CDH13: variants seen among roughly 807,000 people sequenced by gnomAD.
CDH13 encodes the protein cadherin 13.
CDH13 carries 24 observed loss-of-function variants against 63.8 expected under a neutral mutation model. The observed-to-expected ratio is 0.38, with a 90% confidence interval of 0.27 to 0.53. The LOEUF (loss-of-function observed/expected upper bound fraction) is 0.53. Ranked by LOEUF, CDH13 falls within the 20% of genes least tolerant of loss-of-function variation. The pLI is 0.85. For missense variants in CDH13, 1,049 were observed against 903.1 expected (o/e 1.16, Z -2.07); for synonymous variants, 503 against 355.3 (o/e 1.42, Z -4.67).
intron 7 of CDH13, among the ~76,000 whole-genome samples, chr16:83,553,540 G>C (rs1270714248): frequency 2.0e-5 from 3 of 152,058 alleles, no homozygotes; most frequent in African/African-American, 4.8e-5. Flanking sequence ...GAATCAAAGT[G>C]ATGGGTTTTT....
chr16:83,320,836 C>T (rs577320706), intron 5 of CDH13, among the ~76,000 whole-genome samples: 3 of 152,266 alleles, frequency 2.0e-5, no homozygotes, highest in African/African-American at 7.2e-5. Flanking sequence ...CTGGCTTAGG[C>T]TACGAGAGTT....
At chr16:83,644,990 C>A (rs1249365943) in intron 8 of CDH13, among the ~76,000 whole-genome samples, 1 of 152,154 alleles carries the variant, frequency 6.6e-6, no homozygotes, top group African/African-American at 2.4e-5. Flanking sequence ...CCTACAAGCT[C>A]CCCACTCTTG....
At chr16:83,266,538 T>A (rs1907643406) in intron 5 of CDH13, among the ~76,000 whole-genome samples, 1 of 152,146 alleles carries the variant, frequency 6.6e-6, no homozygotes, top group Non-Finnish European at 1.5e-5. Context: ...AGGAACCCAC[T>A]CCCACTGTAA....
At chr16:82,988,555 A>G (rs1250680308) in intron 2 of CDH13, among the ~76,000 whole-genome samples, 1 of 152,086 alleles carries the variant, frequency 6.6e-6, no homozygotes, top group Non-Finnish European at 1.5e-5. Context: ...TGAGGTCAGG[A>G]GTTCGAGACC....
At chr16:83,747,978 G>C (rs1380575745) in intron 10 of CDH13, 130 bp from the exon 11 acceptor site, 2 of 946,532 alleles carry the variant, frequency 2.1e-6, no homozygotes, top group Non-Finnish European at 3.3e-6. Flanking sequence ...AACTGTAACA[G>C]AAATGATGGT....
At chr16:82,978,584 G>A (rs1053716852) in intron 2 of CDH13, among the ~76,000 whole-genome samples, 1 of 152,348 alleles carries the variant, frequency 6.6e-6, no homozygotes, top group East Asian at 1.9e-4. Context: ...GCTTCGGTGG[G>A]TGCAAGCCCC....
At chr16:82,772,938 C>A (rs1332111611) in intron 1 of CDH13, among the ~76,000 whole-genome samples, 5 of 152,016 alleles carry the variant, frequency 3.3e-5, no homozygotes, top group Non-Finnish European at 5.9e-5. Flanking sequence ...CTGGGAGTAA[C>A]CTAATTTTAC....
At chr16:83,522,808 C>G (rs902168878) in intron 7 of CDH13, among the ~76,000 whole-genome samples, 1 of 152,150 alleles carries the variant, frequency 6.6e-6, no homozygotes, top group African/African-American at 2.4e-5. Flanking sequence ...TACAGAGGCT[C>G]TGACCTCCAC....
chr16:83,735,797 G>A (rs900559804), intron 10 of CDH13: 1 of 152,202 alleles, frequency 6.6e-6, no homozygotes, highest in African/African-American at 2.4e-5. Flanking sequence ...GAGTAAGCAG[G>A]ATATTTGGCT....
chr16:83,021,678 G>A (rs879505562), intron 2 of CDH13, among the ~76,000 whole-genome samples: 3 of 152,172 alleles, frequency 2.0e-5, no homozygotes, highest in Non-Finnish European at 2.9e-5. Context: ...ACTGAAGCAT[G>A]GAATGGAATT....
chr16:82,904,222 A>T (rs2041565210), intron 2 of CDH13, among the ~76,000 whole-genome samples: 1 of 152,178 alleles, frequency 6.6e-6, no homozygotes, highest in African/African-American at 2.4e-5. Flanking sequence ...ATAAATACAA[A>T]CTTTTGTCAA....
At chr16:83,110,784 G>A (rs2035020273) in intron 3 of CDH13, among the ~76,000 whole-genome samples, 2 of 151,912 alleles carry the variant, frequency 1.3e-5, no homozygotes, top group Admixed American at 6.6e-5. Flanking sequence ...AAAAACCAAG[G>A]TGTGACAGTT....
intron 8 of CDH13, among the ~76,000 whole-genome samples, chr16:83,613,840 AT>A (rs34741450): frequency 0.04 from 6,024 of 151,980 alleles, 405 homozygotes; most frequent in African/African-American, 0.14. Flanking sequence ...CTCAAAAAAA[AT>A]TTTTTTTAAT....
At chr16:82,640,881 T>TA (rs1172710446) in intron 1 of CDH13, among the ~76,000 whole-genome samples, 3 of 152,258 alleles carry the variant, frequency 2.0e-5, no homozygotes, top group African/African-American at 4.8e-5. Flanking sequence ...CTACAATTTT[T>TA]AAGGCACTTT....
At chr16:82,682,225 T>C (rs1403095067) in intron 1 of CDH13, among the ~76,000 whole-genome samples, 1 of 152,210 alleles carries the variant, frequency 6.6e-6, no homozygotes, top group Admixed American at 6.5e-5. Flanking sequence ...CAGAATCCCC[T>C]AGGGAAAGTG....
chr16:83,324,047 T>TTC (rs1195510859), intron 5 of CDH13, among the ~76,000 whole-genome samples: 2 of 151,612 alleles, frequency 1.3e-5, no homozygotes, highest in South Asian at 4.2e-4. Context: ...CTTCTTTTTT[T>TTC]TTTTTTTTGA....
chr16:82,717,562 T>C (rs1291698837), intron 1 of CDH13, among the ~76,000 whole-genome samples: 1 of 135,776 alleles, frequency 7.4e-6, no homozygotes, highest in East Asian at 2.0e-4. Context: ...TGCTGGACTC[T>C]TTTAGATCCT....
chr16:83,355,779 C>T (rs928979768), intron 6 of CDH13, among the ~76,000 whole-genome samples: 8 of 152,110 alleles, frequency 5.3e-5, no homozygotes, highest in African/African-American at 9.7e-5. Context: ...CACAGGGGAA[C>T]GTCAGTTTTC....
intron 6 of CDH13, among the ~76,000 whole-genome samples, chr16:83,439,069 A>C (rs2151492804): frequency 6.6e-6 from 1 of 152,318 alleles, no homozygotes; most frequent in South Asian, 2.1e-4. Context: ...ATGTGGGTTT[A>C]AACTGCAGCT....
Sources: allele counts gnomAD v4.1 joint callset (sites outside exome capture counted in the v4.1 genomes callset), GRCh38; gene constraint gnomAD v4.1.1; transcripts MANE v1.5; gene names NCBI Gene and HGNC (gene_info 2026-07-23, HGNC 2026-07-21).